SORCS1: variants seen among roughly 807,000 people sequenced by gnomAD.
SORCS1 encodes the protein VPS10 domain-containing receptor SorCS1.
SORCS1 carries 60 observed loss-of-function variants against 146.1 expected under a neutral mutation model. The observed-to-expected ratio is 0.41, with a 90% confidence interval of 0.33 to 0.51. SORCS1 has a LOEUF of 0.51. Ranked by LOEUF, SORCS1 falls within the 20% of genes least tolerant of loss-of-function variation. The pLI, the probability that SORCS1 is intolerant of heterozygous loss-of-function variation, is 0.21. For missense variants in SORCS1, 1,352 were observed against 1,487.6 expected (o/e 0.91, Z 1.50); for synonymous variants, 637 against 584.0 (o/e 1.09, Z -1.31).
intron 2 of SORCS1, among the ~76,000 whole-genome samples, chr10:106,929,344 CAAAAG>C (rs934854551): frequency 4.0e-5 from 6 of 151,594 alleles, no homozygotes; most frequent in Admixed American, 3.3e-4. Flanking sequence ...ATTCAAGTCA[CAAAAG>C]GAAAGAAAGA....
intron 1 of SORCS1, among the ~76,000 whole-genome samples, chr10:107,079,429 T>C (rs1748551633): frequency 6.6e-6 from 1 of 152,162 alleles, no homozygotes; most frequent in Non-Finnish European, 1.5e-5. Context: ...TTGTTTGTCA[T>C]AATGGAGGGT....
chr10:106,578,586 C>G, intron 25 of SORCS1: 1 of 917,094 alleles, frequency 1.1e-6, no homozygotes, highest in Non-Finnish European at 1.3e-6. Context: ...AAAAAAATTC[C>G]CTGGAGGATC....
rs145906908 is a variant in SORCS1, at chr10:106,940,846, T to G, written c.626+15667A>C. On this transcript the variant is annotated intron_variant, in intron 2 of 25. Transcript: ENST00000263054. ...TTTCAGTGAGCCTAAGTTGTGCCAT[T>G]GCACTCCAGCCTGGGCAACAAGAAC... Among the ~76,000 whole-genome samples, 224 of 152,304 alleles carry G rather than the reference T, an allele frequency of 1.5e-3. 10 individuals carry two copies. The East Asian group carries it at 0.033, about 23-fold the overall frequency.
intron 1 of SORCS1, among the ~76,000 whole-genome samples, chr10:106,992,401 A>AT (rs977539264): frequency 2.6e-5 from 4 of 152,116 alleles, no homozygotes; most frequent in African/African-American, 4.8e-5. Flanking sequence ...ATTTACTAAC[A>AT]TTTTTTCCAA....
At chr10:106,750,728 C>CAAAAAAAAAAAAAAAAAAAAA (rs572295853) in intron 5 of SORCS1, among the ~76,000 whole-genome samples, 15 of 24,026 alleles carry the variant, frequency 6.2e-4, no homozygotes, top group Admixed American at 9.6e-4. Context: ...GACTCCCTCT[C>CAAAAAAAAAAAAAAAAAAAAA]AAAAAAAAAA....
chr10:106,672,871 G>C lies in SORCS1; in HGVS notation c.2055C>G (p.Ser685Arg), dbSNP rs1317155670. Residue 685 changes from serine to arginine, a missense_variant, in exon 15 of 26, where the codon AGC becomes AGG. Around this residue, in one of 3 missense-constraint regions of SORCS1, gnomAD observed 648 missense variants for 793.8 expected, o/e 0.82. Coordinates refer to ENST00000263054, the MANE Select transcript of SORCS1 (RefSeq NM_052918.5). ...GTCTCAGTTCTTTTCCTCCTACCTG[G>C]CTGTGCAGCTGCCAAGGTCTGTAGT... ...EEDYRPWQLHSQGEACIMGAK... is the reference protein window; with the variant it reads ...EEDYRPWQLHRQGEACIMGAK... 1.2e-6 allele frequency: 2 copies of C among 1,613,138 alleles called. No individual in the cohort carries two copies. Among genetic ancestry groups the C allele is most frequent in the Non-Finnish European group, 1.7e-6 (2 of 1,179,204 alleles).
rs111892768 is a variant in SORCS1 at position 106,988,890 on chromosome 10, G to A, written c.559-32310C>T. Among the ~76,000 whole-genome samples, 707 of 152,112 alleles carry A rather than the reference G, an allele frequency of 4.6e-3. 6 individuals carry two copies. Among genetic ancestry groups the A allele is most frequent in the Non-Finnish European group, 8.0e-3 (542 of 67,982 alleles). ...GTGGTAGAGAATATTCTATAAAATA[G>A]AATCTTGTACTGATGAGACAAGGAT... On this transcript the variant is annotated intron_variant, in intron 1 of 25. Transcript: ENST00000263054.
rs375569669 is a variant in SORCS1, at chr10:106,645,315, C to T, written c.2475+7067G>A. Among the ~76,000 whole-genome samples, 6 of 152,140 alleles carry T rather than the reference C, an allele frequency of 3.9e-5. No individual in the cohort carries two copies. In the East Asian group the frequency reaches 7.7e-4, roughly 20 times the overall value. ...TCCCAAGTAGCTGGGACTACGGGCACGTGCCACCATGCCCAGCTCATTTTG... is the reference window on the plus strand; with the variant it reads ...TCCCAAGTAGCTGGGACTACGGGCATGTGCCACCATGCCCAGCTCATTTTG... On this transcript the variant is annotated intron_variant, in intron 18 of 25. Coordinates refer to ENST00000263054, the MANE Select transcript of SORCS1 (RefSeq NM_052918.5).
chr10:107,156,933 C>T (rs998916042), intron 1 of SORCS1, among the ~76,000 whole-genome samples: 1 of 152,132 alleles, frequency 6.6e-6, no homozygotes, highest in Non-Finnish European at 1.5e-5. Context: ...TACTGGGAAC[C>T]TCACTTCCAG....
At chr10:106,741,640 G>C (rs1490854056) in intron 5 of SORCS1, among the ~76,000 whole-genome samples, 5 of 151,188 alleles carry the variant, frequency 3.3e-5, no homozygotes, top group Non-Finnish European at 5.9e-5. Context: ...GAGAGAGTGA[G>C]AGAGAGAGAG....
chr10:106,718,916 C>G (rs972546919), intron 6 of SORCS1, among the ~76,000 whole-genome samples: 4 of 151,906 alleles, frequency 2.6e-5, no homozygotes, highest in Non-Finnish European at 4.4e-5. Flanking sequence ...AGACACAGAC[C>G]GCTGATGGGT....
At chr10:107,093,944 C>A (rs1020529594) in intron 1 of SORCS1, among the ~76,000 whole-genome samples, 1 of 152,096 alleles carries the variant, frequency 6.6e-6, no homozygotes, top group African/African-American at 2.4e-5. Flanking sequence ...CATTCCTATG[C>A]CTGGACCGCT....
intron 1 of SORCS1, among the ~76,000 whole-genome samples, chr10:106,984,459 T>G (rs1282158177): frequency 6.7e-6 from 1 of 149,928 alleles, no homozygotes; most frequent in Non-Finnish European, 1.5e-5. Context: ...AGTGGTGCGA[T>G]CTCGGCTCAC....
intron 4 of SORCS1, among the ~76,000 whole-genome samples, chr10:106,761,862 T>G (rs879663115): frequency 2.6e-5 from 4 of 152,180 alleles, no homozygotes; most frequent in Non-Finnish European, 5.9e-5. Flanking sequence ...CATTTTACAG[T>G]TGAGGAAACT....
At position 106,618,080 on chromosome 10, in the gene SORCS1, G is replaced by T. The variant is rs1847496304; in HGVS notation, c.2920+69C>A. The T allele has an allele frequency of 6.3e-6, 10 of 1,592,374 alleles. No individual in the cohort carries two copies. In the South Asian group the frequency reaches 1.1e-4, roughly 18 times the overall value. ...AGTCACAGCTGGGGGATGGTCTCTG[G>T]CATCATGGCACAAGAGAACCTCCTC... On this transcript the variant is annotated intron_variant, in intron 21 of 25. Coordinates refer to ENST00000263054, the MANE Select transcript of SORCS1 (RefSeq NM_052918.5).
At chr10:106,959,360 G>C (rs1955115232) in intron 1 of SORCS1, among the ~76,000 whole-genome samples, 1 of 152,128 alleles carries the variant, frequency 6.6e-6, no homozygotes. Flanking sequence ...AGGCACAACT[G>C]CTAACCTTTA....
intron 6 of SORCS1, among the ~76,000 whole-genome samples, chr10:106,726,809 G>A (rs1435695011): frequency 1.3e-5 from 2 of 151,942 alleles, no homozygotes; most frequent in Admixed American, 6.6e-5. Context: ...ACTCTCGGCC[G>A]GGTGCGGTGG....
chr10:107,143,832 AGG>A, intron 1 of SORCS1, among the ~76,000 whole-genome samples: 1 of 151,510 alleles, frequency 6.6e-6, no homozygotes, highest in Non-Finnish European at 1.5e-5. Context: ...TGTAGAGATG[AGG>A]TTTCACCATA....
chr10:106,674,314 G>T (rs1167672366), intron 14 of SORCS1, among the ~76,000 whole-genome samples: 1 of 59,958 alleles, frequency 1.7e-5, no homozygotes. Context: ...GGGCGACAGA[G>T]TAAGACTCCG....
Sources: allele counts gnomAD v4.1 joint callset (sites outside exome capture counted in the v4.1 genomes callset), GRCh38; gene constraint gnomAD v4.1.1; regional missense constraint gnomAD v4.1.1; transcripts MANE v1.5; gene names NCBI Gene and HGNC (gene_info 2026-07-23, HGNC 2026-07-21).